SLC39A10: variants seen among roughly 807,000 people sequenced by gnomAD.
The protein encoded by SLC39A10 is zinc transporter ZIP10.
Under a neutral mutation model 65.1 loss-of-function variants are expected in SLC39A10, and 13 were observed. The observed-to-expected ratio is 0.20, with a 90% CI of 0.13 to 0.32. The LOEUF (loss-of-function observed/expected upper bound fraction) is 0.32, where lower values mean the gene tolerates loss of function less well. Ranked by LOEUF, SLC39A10 falls within the 10% of genes least tolerant of loss-of-function variation. The pLI is 1.00. For synonymous variants in SLC39A10, 321 were observed against 342.2 expected (o/e 0.94, Z 0.68); for missense variants, 831 against 1,018.4 (o/e 0.82, Z 2.50).
At chr2:195,720,567 A>C (rs1691995341) in intron 8 of SLC39A10, among the ~76,000 whole-genome samples, 1 of 152,224 alleles carries the variant, frequency 6.6e-6, no homozygotes, top group African/African-American at 2.4e-5. Context: ...CTTGATTTGT[A>C]GTATTTGCTC....
chr2:195,704,536 G>A lies in SLC39A10; in HGVS notation c.1217-2080G>A, dbSNP rs569841380. 6.6e-5 allele frequency among the ~76,000 whole-genome samples: 10 copies of A among 152,060 alleles called. No individual in the cohort carries two copies. In the East Asian group the frequency reaches 7.7e-4, roughly 12 times the overall value. ...ATAACTTTATTGGCTCTAAGACCTCGTGTCTAAAATTTATACCTATGACTA... is the reference window on the plus strand; with the variant it reads ...ATAACTTTATTGGCTCTAAGACCTCATGTCTAAAATTTATACCTATGACTA... On this transcript the variant is annotated intron_variant, in intron 3 of 9. Coordinates refer to ENST00000359634, the MANE Select transcript of SLC39A10 (RefSeq NM_020342.3).
intron 5 of SLC39A10, among the ~76,000 whole-genome samples, chr2:195,711,338 ATTTATTTTTGCAAAG>A (rs1343868199): frequency 4.6e-5 from 7 of 152,162 alleles, no homozygotes; most frequent in Non-Finnish European, 7.3e-5. Flanking sequence ...GTGCTTATAC[ATTTATTTTTGCAAAG>A]AAAACTGATA....
chr2:195,623,901 CCACACACACACACA>C (rs67959883), intron 2 of SLC39A10, among the ~76,000 whole-genome samples: 3 of 142,846 alleles, frequency 2.1e-5, no homozygotes, highest in Admixed American at 1.4e-4. Flanking sequence ...AAACAAAAAA[CCACACACACACACA>C]CACACACACA....
At chr2:195,690,174 A>T (rs60786228) in intron 3 of SLC39A10, among the ~76,000 whole-genome samples, 1 of 17,068 alleles carries the variant, frequency 5.9e-5, no homozygotes, top group Non-Finnish European at 1.1e-4. Context: ...AGACTCTCTG[A>T]AAAAAAAAAA....
intron 1 of SLC39A10, among the ~76,000 whole-genome samples, chr2:195,660,822 A>G (rs1689364975): frequency 6.6e-6 from 1 of 152,204 alleles, no homozygotes; most frequent in African/African-American, 2.4e-5. Flanking sequence ...ATCTTGAATG[A>G]TATAAAAATC....
At chr2:195,649,236 T>A (rs1688984901) in intron 2 of SLC39A10, among the ~76,000 whole-genome samples, 1 of 152,240 alleles carries the variant, frequency 6.6e-6, no homozygotes, top group Admixed American at 6.5e-5. Context: ...TGGCTTATTG[T>A]ATGAAATACA....
intron 2 of SLC39A10, among the ~76,000 whole-genome samples, chr2:195,628,091 A>C (rs1353899364): frequency 1.3e-5 from 2 of 152,264 alleles, no homozygotes; most frequent in African/African-American, 4.8e-5. Context: ...TAAAGCATAC[A>C]TTGAAACAGT....
chr2:195,646,267 T>C (rs1688912546), intron 2 of SLC39A10, among the ~76,000 whole-genome samples: 1 of 152,178 alleles, frequency 6.6e-6, no homozygotes, highest in Non-Finnish European at 1.5e-5. Flanking sequence ...TTTATTTTTT[T>C]ATTTACTTAA....
chr2:195,657,477 G>C (rs1026509401), intron 1 of SLC39A10, 196 bp downstream of exon 1: 2 of 985,714 alleles, frequency 2.0e-6, no homozygotes, highest in Non-Finnish European at 1.2e-6. Context: ...CCGAAGCAGA[G>C]CGCGTGGTGG....
At chr2:195,628,562 A>T (rs931553767) in intron 2 of SLC39A10, among the ~76,000 whole-genome samples, 2 of 152,190 alleles carry the variant, frequency 1.3e-5, no homozygotes, top group Non-Finnish European at 2.9e-5. Flanking sequence ...CATGAAACAT[A>T]CATTCTAGTG....
chr2:195,700,724 A>T (rs892551200), intron 3 of SLC39A10, among the ~76,000 whole-genome samples: 5 of 152,118 alleles, frequency 3.3e-5, no homozygotes, highest in Non-Finnish European at 7.4e-5. Flanking sequence ...TTCATTTAGG[A>T]CTTTGAATGT....
At chr2:195,631,060 G>A (rs375223727) in intron 2 of SLC39A10, among the ~76,000 whole-genome samples, 1 of 152,128 alleles carries the variant, frequency 6.6e-6, no homozygotes, top group South Asian at 2.1e-4. Flanking sequence ...ACGGTGGCAG[G>A]CACCTGTAAT....
At chr2:195,733,542 T>C (rs1389007276) in intron 9 of SLC39A10, among the ~76,000 whole-genome samples, 6 of 152,202 alleles carry the variant, frequency 3.9e-5, no homozygotes, top group Non-Finnish European at 5.9e-5. Context: ...CTTTTCTTTT[T>C]TTTTTGAGAC....
chr2:195,673,879 T>C (rs1036297515), intron 1 of SLC39A10, among the ~76,000 whole-genome samples: 1 of 152,210 alleles, frequency 6.6e-6, no homozygotes, highest in East Asian at 1.9e-4. Flanking sequence ...TTTTATCATA[T>C]TGCATTAGAT....
intron 6 of SLC39A10, among the ~76,000 whole-genome samples, chr2:195,716,132 C>G (rs1235040538): frequency 1.3e-5 from 2 of 152,174 alleles, no homozygotes; most frequent in East Asian, 3.8e-4. Context: ...GAACGAGGAT[C>G]TGCACTTTAA....
intron 3 of SLC39A10, among the ~76,000 whole-genome samples, chr2:195,697,304 T>C (rs1045616582): frequency 5.3e-5 from 8 of 152,206 alleles, no homozygotes; most frequent in Non-Finnish European, 1.2e-4. Context: ...AGGGGGGTAC[T>C]AGAACTAATT....
At chr2:195,674,695 G>A in intron 1 of SLC39A10, 2 of 957,944 alleles carry the variant, frequency 2.1e-6, no homozygotes, top group Non-Finnish European at 2.5e-6. Context: ...GTTCTGAGGT[G>A]CAGGCTTAGG....
intron 1 of SLC39A10, among the ~76,000 whole-genome samples, chr2:195,659,970 G>T (rs1168605969): frequency 6.6e-6 from 1 of 151,960 alleles, no homozygotes; most frequent in Non-Finnish European, 1.5e-5. Flanking sequence ...TAATACTCAT[G>T]GATTTATTTC....
chr2:195,714,770 T>C (rs1691727034), intron 6 of SLC39A10, among the ~76,000 whole-genome samples: 1 of 152,192 alleles, frequency 6.6e-6, no homozygotes, highest in Non-Finnish European at 1.5e-5. Flanking sequence ...ACCTTTTTTT[T>C]GAGACGGAGT....
Sources: gnomAD v4.1 joint callset for allele counts (sites outside exome capture counted in the v4.1 genomes callset) on GRCh38, gnomAD v4.1.1 for gene constraint, MANE v1.5 for transcripts, NCBI Gene and HGNC (gene_info 2026-07-23, HGNC 2026-07-21) for gene names.